ZNF540: variants seen among roughly 807,000 people sequenced by gnomAD.
ZNF540 encodes the protein zinc finger protein 540.
In ZNF540, 3 loss-of-function variants were observed where a neutral mutation model predicts 11.8. The ratio of observed to expected loss-of-function variants is 0.25; its 90% CI spans 0.12 to 0.65. The LOEUF is 0.65. Ranked by LOEUF, ZNF540 falls within the 30% of genes least tolerant of loss-of-function variation. The pLI, the probability that ZNF540 is intolerant of heterozygous loss-of-function variation, is 0.83. For missense variants in ZNF540, 709 were observed against 793.1 expected, an observed-to-expected ratio of 0.89 and a Z score of 1.27; for synonymous variants, 247 against 259.0, an observed-to-expected ratio of 0.95 and a Z score of 0.45.
At chr19:37,588,099 CAAAAAAAAA>C (rs58516591) in intron 1 of ZNF540, among the ~76,000 whole-genome samples, 18 of 45,742 alleles carry the variant, frequency 3.9e-4, no homozygotes, top group East Asian at 5.6e-4. Flanking sequence ...GACTCCATCT[CAAAAAAAAA>C]AAAAAAAAAA....
chr19:37,603,349 A>G (rs1341866094), intron 4 of ZNF540, among the ~76,000 whole-genome samples: 2 of 152,178 alleles, frequency 1.3e-5, no homozygotes, highest in Non-Finnish European at 2.9e-5. Flanking sequence ...ATTCTATAGA[A>G]AGGGGAAAAA....
chr19:37,594,056 A>G (rs1206086993), upstream of ZNF540: 1 of 152,192 alleles, frequency 6.6e-6, no homozygotes, highest in Non-Finnish European at 1.5e-5. Flanking sequence ...GAGCTCTCGG[A>G]GCAGACGAAA....
chr19:37,571,050 A>G (rs2043032279), intron 1 of ZNF540, among the ~76,000 whole-genome samples: 1 of 152,250 alleles, frequency 6.6e-6, no homozygotes, highest in African/African-American at 2.4e-5. Flanking sequence ...ATTTGTTCAT[A>G]CTAAACAGAC....
chr19:37,565,230 A>T lies in ZNF540; in HGVS notation c.-73+13565A>T, dbSNP rs141392708. On this transcript the variant is annotated intron_variant, in intron 1 of 4. Transcript: ENST00000592533. ...TGAATAAGATTAGAATTAGAAATAAAGGCTTTCCCACATTCTTTGCATTTA... is the reference window on the plus strand; with the variant it reads ...TGAATAAGATTAGAATTAGAAATAATGGCTTTCCCACATTCTTTGCATTTA... 189 of 1,613,368 alleles carry T rather than the reference A, an allele frequency of 1.2e-4. 1 individual carries two copies. In the African/African-American group the frequency reaches 2.2e-3, roughly 19 times the overall value.
rs899129598 is a variant in ZNF540 at position 37,595,106 on chromosome 19, G to C, written c.-73+11G>C. 1 of 152,214 alleles carries C rather than the reference G, an allele frequency of 6.6e-6. No homozygotes were observed. Among genetic ancestry groups the C allele is most frequent in the African/African-American group, 2.4e-5 (1 of 41,450 alleles). 9.4% of individuals were successfully genotyped at this position (152,214 alleles called of 1,614,324 possible). A position where few individuals can be genotyped will look rare whatever the true frequency, so the allele number is the denominator to read the frequency against. ...GCAAAAGGCTGTCAGGTAAGGTCTG[G>C]ATTTCTCTCTGACAGCTCTGGCCGT... On this transcript the variant is annotated intron_variant, in intron 1 of 4. Coordinates refer to ENST00000316433, the MANE Select transcript of ZNF540 (RefSeq NM_001172225.3).
intron 4 of ZNF540, among the ~76,000 whole-genome samples, chr19:37,603,677 T>C (rs1328624084): frequency 1.3e-5 from 2 of 152,170 alleles, no homozygotes; most frequent in Non-Finnish European, 2.9e-5. Flanking sequence ...TTAATAATAA[T>C]AACAGTTAAC....
chr19:37,578,099 G>A (rs2043308503), intron 1 of ZNF540, among the ~76,000 whole-genome samples: 1 of 152,160 alleles, frequency 6.6e-6, no homozygotes, highest in Non-Finnish European at 1.5e-5. Flanking sequence ...ACTAATGCCT[G>A]ATGATTTGAG....
At chr19:37,551,870 T>C (rs2042609859) in intron 1 of ZNF540, among the ~76,000 whole-genome samples, 1 of 152,012 alleles carries the variant, frequency 6.6e-6, no homozygotes, top group African/African-American at 2.4e-5. Context: ...ATGTGTCTCG[T>C]GCGGTGGAGC....
At chr19:37,568,823 C>G (rs2042959651) in intron 1 of ZNF540, among the ~76,000 whole-genome samples, 1 of 152,094 alleles carries the variant, frequency 6.6e-6, no homozygotes, top group Admixed American at 6.5e-5. Flanking sequence ...AAAATGGAGT[C>G]TGAAAAGGAG....
chr19:37,572,925 C>CG (rs2147169285), intron 1 of ZNF540, among the ~76,000 whole-genome samples: 1 of 59,074 alleles, frequency 1.7e-5, no homozygotes, highest in African/African-American at 7.2e-5. Context: ...CATTGAATGA[C>CG]TTTCAAACTT....
intron 1 of ZNF540, among the ~76,000 whole-genome samples, chr19:37,572,772 T>C (rs1460259398): frequency 2.0e-5 from 3 of 152,218 alleles, no homozygotes; most frequent in Admixed American, 2.0e-4. Flanking sequence ...AATTAATTTC[T>C]TCTGTTCTTC....
intron 1 of ZNF540, chr19:37,595,328 C>G (rs1600553304): frequency 2.0e-5 from 3 of 152,214 alleles, no homozygotes; most frequent in African/African-American, 7.2e-5. Context: ...CTATTAGTGG[C>G]GCATTTAGTA....
intron 4 of ZNF540, among the ~76,000 whole-genome samples, chr19:37,610,757 T>G (rs2044121921): frequency 1.3e-5 from 2 of 152,192 alleles, no homozygotes; most frequent in African/African-American, 4.8e-5. Flanking sequence ...TATGGTAACA[T>G]GTTTGGATTT....
In ZNF540 at chr19:37,613,843, G is replaced by A; in HGVS notation, c.*580G>A. The A allele has an allele frequency of 1.8e-5, 7 of 398,474 alleles. No individual in the cohort carries two copies. The Admixed American group carries it at 3.1e-4, about 18-fold the overall frequency. The allele number at this position is 398,474 out of a possible 1,614,324, so 24.7% of individuals were successfully genotyped here. A position where few individuals can be genotyped will look rare whatever the true frequency, so the allele number is the denominator to read the frequency against. ...CCTATGTTGAAACACGAATCCCAAG[G>A]TGATGGTATTTGAAGGTAGGGCCTT... On this transcript the variant is annotated 3_prime_UTR_variant, in exon 5 of 5. Coordinates refer to ENST00000316433, the MANE Select transcript of ZNF540 (RefSeq NM_001172225.3).
intron 4 of ZNF540, among the ~76,000 whole-genome samples, chr19:37,608,799 A>G (rs6508738): frequency 0.85 from 129,319 of 152,026 alleles, 55,373 homozygotes; most frequent in African/African-American, 0.95. Context: ...GGGTATTTTC[A>G]TTCCTCTATA....
rs1300653963 is a variant in ZNF540, at chr19:37,586,755, G to A, written c.-72-11621G>A. ...TCCAGAGAAGCCAGTGCTGGACAAG[G>A]AAAAGAAGCCACAAGATTAGACTTG... On this transcript the variant is annotated intron_variant, in intron 1 of 4. Coordinates refer to the ZNF540 transcript ENST00000592533. 4.6e-6 allele frequency: 7 copies of A among 1,511,178 alleles called. No individual in the cohort carries two copies. The African/African-American group carries it at 5.6e-5, about 12-fold the overall frequency. 93.6% of individuals were successfully genotyped at this position (1,511,178 alleles called of 1,614,324 possible).
At chr19:37,606,986 C>T (rs548584013) in intron 4 of ZNF540, among the ~76,000 whole-genome samples, 33 of 151,840 alleles carry the variant, frequency 2.2e-4, no homozygotes, top group African/African-American at 7.7e-4. Flanking sequence ...CAAAAATTCC[C>T]ATTGATATTA....
intron 1 of ZNF540, among the ~76,000 whole-genome samples, chr19:37,552,955 AAAGACAATTTGTTTT>A (rs1026308047): frequency 1.3e-5 from 2 of 151,844 alleles, no homozygotes; most frequent in African/African-American, 4.8e-5. Context: ...TCGAACAAAA[AAAGACAATTTGTTTT>A]ATGTTCACAT....
At chr19:37,564,480 T>C in intron 1 of ZNF540, 1 of 866,632 alleles carries the variant, frequency 1.2e-6, no homozygotes, top group Non-Finnish European at 1.6e-6. Flanking sequence ...TCTGCATCCA[T>C]GTTAATGTAG....
Sources: gnomAD v4.1 joint callset for allele counts (sites outside exome capture counted in the v4.1 genomes callset) on GRCh38, gnomAD v4.1.1 for gene constraint, MANE v1.5 for transcripts, NCBI Gene and HGNC (gene_info 2026-07-23, HGNC 2026-07-21) for gene names.